The following KAZN variants were observed in gnomAD, a reference collection of about 807,000 sequenced individuals.
KAZN encodes the protein kazrin.
In KAZN, 40 loss-of-function variants were observed where a neutral mutation model predicts 87.4. The ratio of observed to expected loss-of-function variants is 0.46; its 90% confidence interval spans 0.36 to 0.60. KAZN has a LOEUF of 0.60. KAZN is among the 20% of genes least tolerant of loss of function. The probability of loss-of-function intolerance (pLI) is 0.00; values close to 1 mark genes in which losing one functional copy is unlikely to be tolerated. For missense variants in KAZN, 898 were observed against 1,073.9 expected (o/e 0.84, Z 2.29); for synonymous variants, 466 against 458.3 (o/e 1.02, Z -0.22).
chr1:14,499,006 G>A (rs542515630), intron 2 of KAZN, among the ~76,000 whole-genome samples: 1 of 151,924 alleles, frequency 6.6e-6, no homozygotes, highest in Admixed American at 6.6e-5. Context: ...CAGTTCCCTC[G>A]TTAAACCCTC....
intron 2 of KAZN, among the ~76,000 whole-genome samples, chr1:14,488,781 C>A (rs1477227142): frequency 6.6e-6 from 1 of 152,210 alleles, no homozygotes; most frequent in Non-Finnish European, 1.5e-5. Context: ...CCCCAGGGAT[C>A]CTTCCCGTTA....
chr1:14,162,300 A>G (rs1246654166), intron 1 of KAZN, among the ~76,000 whole-genome samples: 1 of 152,192 alleles, frequency 6.6e-6, no homozygotes, highest in Non-Finnish European at 1.5e-5. Context: ...TCTCTTAAAA[A>G]CATAGTGAGT....
In KAZN at chr1:14,762,182, A is replaced by G. The variant is rs199924775; in HGVS notation, c.226+162959A>G. Among the ~76,000 whole-genome samples, 13 of 152,330 alleles carry G rather than the reference A, an allele frequency of 8.5e-5. No homozygotes were observed. The East Asian group carries it at 2.1e-3, about 25-fold the overall frequency. On this transcript the variant is annotated intron_variant, in intron 1 of 14. Transcript: ENST00000376030. ...GGGCAGTGATTCTTGAACAGCAGAC[A>G]TTGCCAGAGGGCCAAGGGACTTTGA...
chr1:14,065,679 G>A (rs555449031), intron 1 of KAZN, among the ~76,000 whole-genome samples: 3 of 151,978 alleles, frequency 2.0e-5, no homozygotes, highest in South Asian at 2.1e-4. Context: ...TAATCCACAC[G>A]CCTCTGAACT....
chr1:14,267,673 C>A (rs116634585), intron 2 of KAZN, among the ~76,000 whole-genome samples: 2,480 of 152,216 alleles, frequency 0.016, 63 homozygotes, highest in African/African-American at 0.057. Context: ...TGAATCTATA[C>A]CCAGAAAAGC....
At chr1:14,546,666 A>G (rs1673165558) in intron 2 of KAZN, among the ~76,000 whole-genome samples, 3 of 152,094 alleles carry the variant, frequency 2.0e-5, no homozygotes, top group African/African-American at 4.8e-5. Context: ...TTTTATACTA[A>G]GACACTTTAT....
At chr1:14,746,143 G>A (rs919233819) in intron 1 of KAZN, among the ~76,000 whole-genome samples, 1 of 152,126 alleles carries the variant, frequency 6.6e-6, no homozygotes, top group Non-Finnish European at 1.5e-5. Context: ...CACAGCTTTC[G>A]TGATGGGCAT....
intron 1 of KAZN, among the ~76,000 whole-genome samples, chr1:14,849,516 G>C (rs531500238): frequency 1.3e-5 from 2 of 152,162 alleles, no homozygotes; most frequent in African/African-American, 4.8e-5. Context: ...GAATAGCAGG[G>C]CTTATGGGAA....
At chr1:14,478,705 A>G (rs1668908728) in intron 2 of KAZN, among the ~76,000 whole-genome samples, 1 of 152,112 alleles carries the variant, frequency 6.6e-6, no homozygotes, top group Non-Finnish European at 1.5e-5. Flanking sequence ...CTCGTGCTCC[A>G]TGGCTACTGC....
chr1:14,505,054 C>T (rs1207478918), intron 2 of KAZN, among the ~76,000 whole-genome samples: 6 of 152,304 alleles, frequency 3.9e-5, no homozygotes, highest in Non-Finnish European at 8.8e-5. Flanking sequence ...TCTACTTCCT[C>T]ATCCCTTTTC....
chr1:14,905,445 C>A (rs1389319906), intron 1 of KAZN, among the ~76,000 whole-genome samples: 1 of 152,194 alleles, frequency 6.6e-6, no homozygotes, highest in African/African-American at 2.4e-5. Flanking sequence ...AAGGCCTGCA[C>A]TGGAAAAAGG....
chr1:13,912,254 C>T (rs1313065719), intron 1 of KAZN, among the ~76,000 whole-genome samples: 1 of 152,104 alleles, frequency 6.6e-6, no homozygotes, highest in African/African-American at 2.4e-5. Flanking sequence ...AAGAGAACCC[C>T]CGTCTTTCCT....
chr1:14,011,615 G>A (rs1401873620), intron 1 of KAZN, among the ~76,000 whole-genome samples: 1 of 152,140 alleles, frequency 6.6e-6, no homozygotes, highest in African/African-American at 2.4e-5. Context: ...GAGGGATTGT[G>A]TAGGGGTTAT....
chr1:14,171,873 G>A (rs990000286), intron 1 of KAZN, among the ~76,000 whole-genome samples: 1 of 152,322 alleles, frequency 6.6e-6, no homozygotes, highest in African/African-American at 2.4e-5. Flanking sequence ...CAGAAGCAAA[G>A]TACGGTAAGC....
intron 2 of KAZN, among the ~76,000 whole-genome samples, chr1:14,542,647 C>T (rs1014156935): frequency 1.3e-5 from 2 of 152,108 alleles, no homozygotes; most frequent in Non-Finnish European, 2.9e-5. Context: ...GTGCAGATCC[C>T]GTCACCCTGG....
intron 1 of KAZN, chr1:14,692,297 CT>C: frequency 3.4e-6 from 2 of 595,708 alleles, no homozygotes; most frequent in Non-Finnish European, 5.3e-6. Flanking sequence ...TCTCTGCCTG[CT>C]TTTTAATGGC....
At position 14,773,531 on chromosome 1, in the gene KAZN, C is replaced by A. The variant is rs1255709701; in HGVS notation, c.226+174308C>A. Among the ~76,000 whole-genome samples the A allele has an allele frequency of 6.6e-6, 1 of 152,158 alleles. No individual in the cohort carries two copies. The highest frequency in any genetic ancestry group is 6.5e-5 in the Admixed American group (1 of 15,276). ...ACTGGGAGGCAAAAGGGCCTGGCTT[C>A]CCCGAATCTCAGCTTCCTCATCTGA... On this transcript the variant is annotated intron_variant, in intron 1 of 14. Transcript: ENST00000376030. The surrounding 1 kb of genome is among the most constrained non-coding windows in gnomAD (Gnocchi z 5.9).
intron 1 of KAZN, among the ~76,000 whole-genome samples, chr1:14,600,489 C>T (rs952204772): frequency 2.6e-5 from 4 of 152,026 alleles, no homozygotes; most frequent in Admixed American, 6.5e-5. Context: ...TTGGTACTCC[C>T]GGAGCCTGTT....
At chr1:14,859,229 C>T (rs1650548722) in intron 1 of KAZN, among the ~76,000 whole-genome samples, 1 of 150,846 alleles carries the variant, frequency 6.6e-6, no homozygotes. Context: ...AAAAAAAGAA[C>T]TGCAATTCTA....
Sources: allele counts gnomAD v4.1 joint callset (sites outside exome capture counted in the v4.1 genomes callset), GRCh38; gene constraint gnomAD v4.1.1; non-coding constraint Gnocchi (gnomAD v3.1); transcripts MANE v1.5; gene names NCBI Gene and HGNC (gene_info 2026-07-23, HGNC 2026-07-21).